TUSC3: variants seen among roughly 807,000 people sequenced by gnomAD.
The protein encoded by TUSC3 is tumor suppressor candidate 3, also known as dolichyl-diphosphooligosaccharide--protein glycosyltransferase subunit TUSC3.
In TUSC3, 45 loss-of-function variants were observed where a neutral mutation model predicts 44.8. That is an observed-to-expected ratio of 1.00 (90% CI 0.79 to 1.29). TUSC3 has a LOEUF of 1.29. Among genes scored for constraint, TUSC3 ranks in the 50% most tolerant of loss-of-function variants. The probability of loss-of-function intolerance (pLI) is 0.00; values close to 1 mark genes in which losing one functional copy is unlikely to be tolerated. For synonymous variants in TUSC3, 212 were observed against 152.9 expected, an observed-to-expected ratio of 1.39 and a Z score of -2.85; for missense variants, 519 against 437.9, an observed-to-expected ratio of 1.19 and a Z score of -1.65.
chr8:15,662,356 A>G, intron 5 of TUSC3, 60 bp downstream of exon 5: 1 of 1,603,026 alleles, frequency 6.2e-7, no homozygotes. Context: ...TATAAGTTGT[A>G]TAATATTAAC....
intron 2 of TUSC3, among the ~76,000 whole-genome samples, chr8:15,507,479 TC>T (rs1203400872): frequency 6.6e-6 from 1 of 152,172 alleles, no homozygotes; most frequent in Non-Finnish European, 1.5e-5. Flanking sequence ...TGGAAAAGCA[TC>T]TTTTTTTGTA....
chr8:15,597,184 T>TTAA lies in TUSC3; in HGVS notation c.139-25896_139-25895insTAA, dbSNP rs546097940. Among the ~76,000 whole-genome samples the TTAA allele has an allele frequency of 1.8e-3, 256 of 144,838 alleles. 1 individual carries two copies. The highest frequency in any genetic ancestry group is 7.0e-3 in the African/African-American group (242 of 34,616). ...ACAGTAGAAAGAGAGGCTAACTTGA[T>TTAA]GATAGAGATTTGCTGCAGATTTTAA... On this transcript the variant is annotated intron_variant, in intron 1 of 10. Transcript: ENST00000503731.
At chr8:15,827,014 T>A in the TUSC3 span, among the ~76,000 whole-genome samples, 1 of 151,948 alleles carries the variant, frequency 6.6e-6, no homozygotes, top group Non-Finnish European at 1.5e-5. Flanking sequence ...ATATATGGTC[T>A]GCTCATTGTC....
chr8:15,721,438 T>C (rs1209916922), intron 6 of TUSC3, among the ~76,000 whole-genome samples: 1 of 152,014 alleles, frequency 6.6e-6, no homozygotes, highest in Non-Finnish European at 1.5e-5. Flanking sequence ...ATCAAGTTGC[T>C]TTTTTTCCCC....
At chr8:15,505,165 C>G (rs887470037) in intron 2 of TUSC3, among the ~76,000 whole-genome samples, 3 of 152,168 alleles carry the variant, frequency 2.0e-5, no homozygotes, top group Non-Finnish European at 4.4e-5. Flanking sequence ...ACTGGCTTTA[C>G]TTCATGACTG....
upstream of TUSC3, among the ~76,000 whole-genome samples, chr8:15,538,392 ATG>A (rs1801559495): frequency 6.6e-6 from 1 of 152,214 alleles, no homozygotes; most frequent in Admixed American, 6.5e-5. Flanking sequence ...TTCAGGCAAA[ATG>A]TTCACATAAT....
intron 1 of TUSC3, among the ~76,000 whole-genome samples, chr8:15,456,940 G>T (rs970619358): frequency 6.6e-6 from 1 of 151,974 alleles, no homozygotes; most frequent in South Asian, 2.1e-4. Context: ...TCATCAAAGG[G>T]CACCTTTATG....
At chr8:15,498,643 C>G (rs1185272382) in intron 2 of TUSC3, among the ~76,000 whole-genome samples, 2 of 152,208 alleles carry the variant, frequency 1.3e-5, no homozygotes, top group Admixed American at 1.3e-4. Context: ...TTTAGATTTT[C>G]CCCTCTTCTG....
the TUSC3 span, among the ~76,000 whole-genome samples, chr8:15,836,468 C>T: frequency 3.8e-5 from 4 of 105,258 alleles, no homozygotes; most frequent in Non-Finnish European, 8.3e-5. Context: ...CAGAGTGAGA[C>T]TCCATCTCAA....
chr8:15,516,610 T>C (rs1801219133), intron 2 of TUSC3, among the ~76,000 whole-genome samples: 1 of 152,180 alleles, frequency 6.6e-6, no homozygotes, highest in Admixed American at 6.5e-5. Context: ...GAAATGCTTG[T>C]TTTGCCATTC....
At chr8:15,681,079 G>A (rs776379742) in intron 6 of TUSC3, among the ~76,000 whole-genome samples, 82 of 149,340 alleles carry the variant, frequency 5.5e-4, no homozygotes, top group African/African-American at 1.9e-3. Flanking sequence ...TTTTGATATC[G>A]GTGCTGCTGG....
At chr8:15,648,193 T>A (rs1033006111) in intron 2 of TUSC3, among the ~76,000 whole-genome samples, 1 of 152,226 alleles carries the variant, frequency 6.6e-6, no homozygotes, top group Non-Finnish European at 1.5e-5. Flanking sequence ...GTGAATTTTA[T>A]TCGACTCTGT....
chr8:15,458,625 T>G (rs922864428), intron 1 of TUSC3, among the ~76,000 whole-genome samples: 1 of 152,202 alleles, frequency 6.6e-6, no homozygotes, highest in Non-Finnish European at 1.5e-5. Context: ...TACCAATGAT[T>G]AAGATGAATC....
At chr8:15,833,314 A>C in the TUSC3 span, among the ~76,000 whole-genome samples, 1 of 152,190 alleles carries the variant, frequency 6.6e-6, no homozygotes, top group Non-Finnish European at 1.5e-5. Context: ...TTCCTCAAAG[A>C]CCTAAAGACA....
At chr8:15,723,862 G>A (rs1238294125) in intron 6 of TUSC3, among the ~76,000 whole-genome samples, 1 of 152,060 alleles carries the variant, frequency 6.6e-6, no homozygotes, top group Non-Finnish European at 1.5e-5. Flanking sequence ...GGAGACTCAG[G>A]ACTAGTATCA....
intron 1 of TUSC3, among the ~76,000 whole-genome samples, chr8:15,430,278 C>A (rs1268862047): frequency 6.8e-6 from 1 of 147,522 alleles, no homozygotes; most frequent in Admixed American, 6.7e-5. Context: ...AGCTTATCCA[C>A]CATGATCAAG....
At chr8:15,434,286 C>A (rs894666770) in intron 1 of TUSC3, among the ~76,000 whole-genome samples, 11 of 152,074 alleles carry the variant, frequency 7.2e-5, no homozygotes, top group African/African-American at 2.2e-4. Context: ...TATTAACTGG[C>A]TGTTTGTCTT....
At chr8:15,566,846 T>C (rs879787922) in intron 1 of TUSC3, among the ~76,000 whole-genome samples, 2 of 152,150 alleles carry the variant, frequency 1.3e-5, no homozygotes, top group Non-Finnish European at 2.9e-5. Flanking sequence ...TTTCCCAGGC[T>C]GCTCTTAAAT....
At chr8:15,826,944 C>T in the TUSC3 span, among the ~76,000 whole-genome samples, 3 of 152,064 alleles carry the variant, frequency 2.0e-5, no homozygotes, top group South Asian at 2.1e-4. Flanking sequence ...TGATTAAATT[C>T]TGACTAAATT....
Sources: gnomAD v4.1 joint callset for allele counts (sites outside exome capture counted in the v4.1 genomes callset) on GRCh38, gnomAD v4.1.1 for gene constraint, MANE v1.5 for transcripts, NCBI Gene and HGNC (gene_info 2026-07-23, HGNC 2026-07-21) for gene names.